The following GNAQ variants were observed in gnomAD, a reference collection of about 807,000 sequenced individuals.
GNAQ encodes the protein guanine nucleotide-binding protein G(q) subunit alpha.
A neutral mutation model predicts 43.9 loss-of-function variants in GNAQ; 8 were observed. That is an observed-to-expected ratio of 0.18 (90% confidence interval 0.11 to 0.33). GNAQ has a LOEUF of 0.33. Ranked by LOEUF, GNAQ falls within the 10% of genes least tolerant of loss-of-function variation. The probability of loss-of-function intolerance (pLI) is 1.00; values close to 1 mark genes in which losing one functional copy is unlikely to be tolerated. For missense variants in GNAQ, 158 were observed against 450.8 expected (o/e 0.35, Z 5.88); for synonymous variants, 155 against 170.7 (o/e 0.91, Z 0.71).
At chr9:77,894,979 G>A (rs991794401) in intron 2 of GNAQ, among the ~76,000 whole-genome samples, 1 of 151,634 alleles carries the variant, frequency 6.6e-6, no homozygotes, top group African/African-American at 2.4e-5. Flanking sequence ...CACGAGGTCA[G>A]GAGATTGAGA....
rs191064832 is a variant in GNAQ at position 77,984,515 on chromosome 9, T to C, written c.136+46585A>G. On this transcript the variant is annotated intron_variant, in intron 1 of 6. Transcript: ENST00000286548. Reference sequence around the variant, plus strand: ...AACTGCCTTAGAGTTGATGAAATAGTTAACAAAGTCCTTGGAAAAGATAAG... The same window carrying C: ...AACTGCCTTAGAGTTGATGAAATAGCTAACAAAGTCCTTGGAAAAGATAAG... Among the ~76,000 whole-genome samples the C allele has an allele frequency of 2.6e-5, 4 of 152,286 alleles. No homozygotes were observed. In the East Asian group the frequency reaches 7.7e-4, roughly 29 times the overall value.
chr9:77,980,857 A>G (rs1030349537), intron 1 of GNAQ, among the ~76,000 whole-genome samples: 1 of 152,210 alleles, frequency 6.6e-6, no homozygotes, highest in Non-Finnish European at 1.5e-5. Flanking sequence ...AACAACTTCA[A>G]AACTGTGGCA....
intron 2 of GNAQ, among the ~76,000 whole-genome samples, chr9:77,832,437 T>C (rs1000177823): frequency 2.0e-5 from 3 of 152,114 alleles, no homozygotes; most frequent in Non-Finnish European, 1.5e-5. Flanking sequence ...TGTGGTGCAC[T>C]TGGAAGAGGA....
At chr9:77,848,945 A>G (rs1365958059) in intron 2 of GNAQ, among the ~76,000 whole-genome samples, 1 of 152,246 alleles carries the variant, frequency 6.6e-6, no homozygotes, top group Non-Finnish European at 1.5e-5. Flanking sequence ...TAGACATAAT[A>G]AAGGAAAAAA....
At chr9:78,030,867 T>G (rs1300783029) in intron 1 of GNAQ, among the ~76,000 whole-genome samples, 1 of 150,950 alleles carries the variant, frequency 6.6e-6, no homozygotes, top group Non-Finnish European at 1.5e-5. Flanking sequence ...CCCCGACCCC[T>G]GTGCTGCGTG....
At chr9:77,907,266 C>T (rs139853410) in intron 2 of GNAQ, among the ~76,000 whole-genome samples, 2 of 152,172 alleles carry the variant, frequency 1.3e-5, no homozygotes, top group East Asian at 1.9e-4. Context: ...AGATGCCTTC[C>T]CTGGCTCCTA....
At chr9:77,920,384 G>A (rs957779535) in intron 2 of GNAQ, among the ~76,000 whole-genome samples, 3 of 152,114 alleles carry the variant, frequency 2.0e-5, no homozygotes, top group Non-Finnish European at 2.9e-5. Context: ...TGTGTAAACT[G>A]GCAGTGTGGT....
chr9:78,004,530 A>C (rs192250394), intron 1 of GNAQ, among the ~76,000 whole-genome samples: 1 of 152,106 alleles, frequency 6.6e-6, no homozygotes, highest in African/African-American at 2.4e-5. Flanking sequence ...GCGTGACATC[A>C]TCTCCCAGAG....
At chr9:77,757,899 T>C (rs954946179) in intron 5 of GNAQ, among the ~76,000 whole-genome samples, 3 of 152,350 alleles carry the variant, frequency 2.0e-5, no homozygotes, top group South Asian at 2.1e-4. Context: ...CTCCCTAACA[T>C]ATGAATATCA....
At chr9:77,813,333 C>G (rs576413592) in intron 3 of GNAQ, among the ~76,000 whole-genome samples, 1 of 152,170 alleles carries the variant, frequency 6.6e-6, no homozygotes. Flanking sequence ...GAGGGCCCCA[C>G]GTTTTGGTCT....
At chr9:77,850,641 C>A (rs1445677853) in intron 2 of GNAQ, among the ~76,000 whole-genome samples, 13 of 152,204 alleles carry the variant, frequency 8.5e-5, no homozygotes, top group Non-Finnish European at 1.9e-4. Flanking sequence ...GCCTCCTCAC[C>A]TCCCACTCTG....
intron 2 of GNAQ, among the ~76,000 whole-genome samples, chr9:77,856,117 A>G (rs1827750594): frequency 6.6e-6 from 1 of 152,196 alleles, no homozygotes; most frequent in African/African-American, 2.4e-5. Flanking sequence ...TGGCTTTTCA[A>G]TGAAAGGCAT....
chr9:77,940,479 T>TGAGGG (rs1829298695), intron 1 of GNAQ, among the ~76,000 whole-genome samples: 1 of 152,046 alleles, frequency 6.6e-6, no homozygotes, highest in Admixed American at 6.5e-5. Flanking sequence ...CTTGGAAGGC[T>TGAGGG]GAGGGGAGAG....
intron 5 of GNAQ, among the ~76,000 whole-genome samples, chr9:77,760,657 C>T (rs1305325254): frequency 5.9e-5 from 9 of 152,242 alleles, no homozygotes; most frequent in African/African-American, 2.2e-4. Flanking sequence ...AGCGTCTCTG[C>T]CTGGCCACCC....
At chr9:77,737,989 T>C (rs889656207) in intron 5 of GNAQ, among the ~76,000 whole-genome samples, 1 of 152,160 alleles carries the variant, frequency 6.6e-6, no homozygotes, top group Non-Finnish European at 1.5e-5. Flanking sequence ...TCTTCTTTTT[T>C]TTGAGTATCA....
chr9:77,994,470 G>A (rs1450633446), intron 1 of GNAQ, among the ~76,000 whole-genome samples: 1 of 152,022 alleles, frequency 6.6e-6, no homozygotes, highest in Non-Finnish European at 1.5e-5. Context: ...GAACTTTGTG[G>A]AACACTTTAT....
At chr9:77,756,354 C>G (rs1232434687) in intron 5 of GNAQ, among the ~76,000 whole-genome samples, 1 of 152,228 alleles carries the variant, frequency 6.6e-6, no homozygotes, top group East Asian at 1.9e-4. Flanking sequence ...TAACTGCAGA[C>G]AGCAACCTGA....
chr9:77,754,633 T>C (rs1306145938), intron 5 of GNAQ, among the ~76,000 whole-genome samples: 1 of 152,152 alleles, frequency 6.6e-6, no homozygotes, highest in Non-Finnish European at 1.5e-5. Flanking sequence ...TATGTAAGTG[T>C]TCTGCACAGG....
At chr9:77,745,714 A>C (rs1825718357) in intron 5 of GNAQ, among the ~76,000 whole-genome samples, 1 of 151,722 alleles carries the variant, frequency 6.6e-6, no homozygotes, top group South Asian at 2.1e-4. Flanking sequence ...AACTGGAGAG[A>C]AAAATAAAAA....
Sources: allele counts gnomAD v4.1 joint callset (sites outside exome capture counted in the v4.1 genomes callset), GRCh38; gene constraint gnomAD v4.1.1; transcripts MANE v1.5; gene names NCBI Gene and HGNC (gene_info 2026-07-23, HGNC 2026-07-21).